Variants in RPS6KC1 observed in about 807,000 individuals in gnomAD.
RPS6KC1 encodes inactive ribosomal protein S6 kinase delta-1.
RPS6KC1 carries 54 observed loss-of-function variants against 103.8 expected under a neutral mutation model. That is an observed-to-expected ratio of 0.52 (90% CI 0.42 to 0.65). The LOEUF (loss-of-function observed/expected upper bound fraction) is 0.65, where lower values mean the gene tolerates loss of function less well. Among genes scored for constraint, RPS6KC1 ranks in the 30% least tolerant of loss-of-function variants. RPS6KC1 has a pLI of 0.00. For missense variants in RPS6KC1, 1,151 were observed against 1,253.8 expected, an observed-to-expected ratio of 0.92 and a Z score of 1.24; for synonymous variants, 439 against 438.7, an observed-to-expected ratio of 1.00 and a Z score of -0.01.
the RPS6KC1 span, among the ~76,000 whole-genome samples, chr1:213,448,221 C>T: frequency 3.5e-3 from 225 of 64,584 alleles, no homozygotes; most frequent in Middle Eastern, 0.032. Context: ...CAGAGTGAGA[C>T]TGTCAAAAAA....
the RPS6KC1 span, among the ~76,000 whole-genome samples, chr1:213,849,886 T>C: frequency 6.6e-6 from 1 of 152,266 alleles, no homozygotes; most frequent in South Asian, 2.1e-4. Context: ...ACAGGATTTT[T>C]TTTTTCATTG....
the RPS6KC1 span, among the ~76,000 whole-genome samples, chr1:213,402,100 A>G: frequency 6.6e-6 from 1 of 152,184 alleles, no homozygotes; most frequent in Non-Finnish European, 1.5e-5. Flanking sequence ...TCAGGTTAGT[A>G]TAATTGAATG....
the RPS6KC1 span, among the ~76,000 whole-genome samples, chr1:213,592,905 G>A: frequency 1.2e-4 from 18 of 152,294 alleles, no homozygotes; most frequent in African/African-American, 3.8e-4. Flanking sequence ...GATCAACAAA[G>A]TTGTAATAAC....
At chr1:213,258,182 C>T (rs1024728811) in intron 12 of RPS6KC1, among the ~76,000 whole-genome samples, 3 of 151,912 alleles carry the variant, frequency 2.0e-5, no homozygotes, top group Admixed American at 6.6e-5. Context: ...GGGGTTTTAC[C>T]GTGTTAGCCA....
intron 5 of RPS6KC1, among the ~76,000 whole-genome samples, chr1:213,125,371 C>T (rs978024770): frequency 6.6e-6 from 1 of 151,924 alleles, no homozygotes; most frequent in African/African-American, 2.4e-5. Context: ...ATATCATAAT[C>T]TATTATTAGG....
chr1:213,304,075 G>A, the RPS6KC1 span, among the ~76,000 whole-genome samples: 13 of 150,092 alleles, frequency 8.7e-5, no homozygotes, highest in African/African-American at 2.9e-4. Flanking sequence ...GCGTAGTGGC[G>A]GGCGCCTGTA....
chr1:213,151,046 C>T (rs1453689398), intron 6 of RPS6KC1, among the ~76,000 whole-genome samples: 3 of 146,168 alleles, frequency 2.1e-5, no homozygotes, highest in Non-Finnish European at 3.0e-5. Context: ...CAGAGGGGCT[C>T]CTCACTTCCC....
Position 213,165,718 on chromosome 1 carries a change from C to T in RPS6KC1, c.836-2140C>T, listed in dbSNP as rs573053208. ...GATTACAGGCGTGAGCCACCGCGCC[C>T]GGCCAGTTTTATGTTTTTAGTAGAG... is the stretch of plus-strand genomic sequence containing the variant. On this transcript the variant is annotated intron_variant, in intron 6 of 14. Coordinates refer to ENST00000366960, the MANE Select transcript of RPS6KC1 (RefSeq NM_012424.6). Among the ~76,000 whole-genome samples the T allele has an allele frequency of 1.3e-4, 20 of 152,130 alleles. No individual in the cohort carries two copies. The South Asian group carries it at 2.3e-3, about 17-fold the overall frequency.
chr1:213,833,943 TAGA>T, the RPS6KC1 span, among the ~76,000 whole-genome samples: 23 of 152,236 alleles, frequency 1.5e-4, no homozygotes, highest in Non-Finnish European at 2.6e-4. Context: ...CTTCTGAAGT[TAGA>T]AGAAAATTCC....
At chr1:213,075,036 A>G (rs1319660920) in intron 2 of RPS6KC1, among the ~76,000 whole-genome samples, 1 of 151,472 alleles carries the variant, frequency 6.6e-6, no homozygotes, top group Non-Finnish European at 1.5e-5. Flanking sequence ...TATTTTTTGT[A>G]GAGATGGGGT....
chr1:213,184,468 T>G (rs1269372769), intron 8 of RPS6KC1, among the ~76,000 whole-genome samples: 12 of 152,028 alleles, frequency 7.9e-5, no homozygotes, highest in Admixed American at 7.9e-4. Flanking sequence ...TTTCATTTCA[T>G]TGATCTTGTA....
chr1:213,799,929 C>T, the RPS6KC1 span, among the ~76,000 whole-genome samples: 1 of 152,140 alleles, frequency 6.6e-6, no homozygotes, highest in African/African-American at 2.4e-5. Flanking sequence ...ACCAGCATGT[C>T]AGGCCATGGT....
At chr1:213,470,303 T>C in the RPS6KC1 span, among the ~76,000 whole-genome samples, 5 of 152,206 alleles carry the variant, frequency 3.3e-5, no homozygotes, top group Non-Finnish European at 5.9e-5. Context: ...ATTGGTTCTG[T>C]AAAGCTTTCC....
the RPS6KC1 span, among the ~76,000 whole-genome samples, chr1:213,485,169 G>C: frequency 6.6e-6 from 1 of 152,112 alleles, no homozygotes; most frequent in Non-Finnish European, 1.5e-5. Flanking sequence ...ACTGGCCTAA[G>C]GGAATATTTT....
In RPS6KC1 at chr1:213,071,048, T is replaced by C; in HGVS notation, c.141+7T>C. 6.6e-7 allele frequency: 1 copy of C among 1,510,460 alleles called. No individual in the cohort carries two copies. Among genetic ancestry groups the C allele is most frequent in the Non-Finnish European group, 9.0e-7 (1 of 1,107,802 alleles). The allele number at this position is 1,510,460 out of a possible 1,614,324, so 93.6% of individuals were successfully genotyped here. A position where few individuals can be genotyped will look rare whatever the true frequency, so the allele number is the denominator to read the frequency against. ...TCCAGAGGATGTCCAGGAGGTAACA[T>C]TTATATGAAGATTTTATTTTATGTA... On this transcript the variant is annotated splice_region_variant and intron_variant, in intron 2 of 14. Transcript: ENST00000366960.
At chr1:213,171,832 G>A (rs1289476222) in intron 7 of RPS6KC1, among the ~76,000 whole-genome samples, 1 of 152,164 alleles carries the variant, frequency 6.6e-6, no homozygotes, top group African/African-American at 2.4e-5. Context: ...AGGAGACGGG[G>A]TATTAGGGTT....
chr1:213,406,028 C>T, the RPS6KC1 span, among the ~76,000 whole-genome samples: 1 of 152,292 alleles, frequency 6.6e-6, no homozygotes, highest in South Asian at 2.1e-4. Context: ...CAGGGTGAGT[C>T]CCGAGGTGTC....
chr1:213,772,962 TGGCTC>T, the RPS6KC1 span, among the ~76,000 whole-genome samples: 1 of 152,142 alleles, frequency 6.6e-6, no homozygotes, highest in African/African-American at 2.4e-5. Flanking sequence ...CCCAGACAGA[TGGCTC>T]CCCAGCTGTT....
intron 4 of RPS6KC1, among the ~76,000 whole-genome samples, chr1:213,107,904 C>G (rs559305139): frequency 6.6e-6 from 1 of 152,176 alleles, no homozygotes; most frequent in South Asian, 2.1e-4. Context: ...GCATGTTTTC[C>G]TCTGCTTTTT....
Sources: gnomAD v4.1 joint callset for allele counts (sites outside exome capture counted in the v4.1 genomes callset) on GRCh38, gnomAD v4.1.1 for gene constraint, MANE v1.5 for transcripts, NCBI Gene and HGNC (gene_info 2026-07-23, HGNC 2026-07-21) for gene names.